The following MGST1 variants were observed in gnomAD, a reference collection of about 807,000 sequenced individuals.
MGST1 encodes the protein glutathione S-transferase 12.
MGST1 carries 5 observed loss-of-function variants against 8.9 expected under a neutral mutation model. That is an observed-to-expected ratio of 0.56 (90% CI 0.29 to 1.19). The LOEUF (loss-of-function observed/expected upper bound fraction) is 1.19, where lower values mean the gene tolerates loss of function less well. Ranked by LOEUF, MGST1 falls within the 50% of genes most tolerant of loss-of-function variation. The pLI is 0.08. For synonymous variants in MGST1, 54 were observed against 67.8 expected (o/e 0.80, Z 1.00); for missense variants, 182 against 187.4 (o/e 0.97, Z 0.17).
At chr12:16,562,443 C>G (rs1042147723) in intron 4 of MGST1, among the ~76,000 whole-genome samples, 31 of 152,200 alleles carry the variant, frequency 2.0e-4, no homozygotes, top group African/African-American at 7.5e-4. Context: ...AACATACACA[C>G]AATGCCATTT....
exon 2 of MGST1, chr12:16,437,565 GAAA>G (rs1222586032): frequency 6.6e-6 from 1 of 152,112 alleles, no homozygotes; most frequent in Admixed American, 6.6e-5. Context: ...TCAGCCCGAG[GAAA>G]ACAGCTTCCT....
intron 4 of MGST1, among the ~76,000 whole-genome samples, chr12:16,553,270 G>T (rs1942060601): frequency 6.6e-6 from 1 of 152,104 alleles, no homozygotes; most frequent in South Asian, 2.1e-4. Flanking sequence ...AGTAAAGGAA[G>T]AAAAATAACC....
chr12:16,493,945 G>A (rs1941454976), intron 4 of MGST1, among the ~76,000 whole-genome samples: 1 of 152,032 alleles, frequency 6.6e-6, no homozygotes, highest in East Asian at 1.9e-4. Context: ...TGTCTCAAGG[G>A]GGAGATTTAG....
intron 1 of MGST1, chr12:16,399,490 C>T (rs1940634373): frequency 6.4e-7 from 1 of 1,562,326 alleles, no homozygotes; most frequent in Non-Finnish European, 8.8e-7. Flanking sequence ...TCTTCACTAC[C>T]CAACGACTCC....
chr12:16,440,627 AATTT>A (rs59763246), downstream of MGST1, among the ~76,000 whole-genome samples: 1,407 of 151,916 alleles, frequency 9.3e-3, 79 homozygotes, highest in East Asian at 0.17. Flanking sequence ...ACTATGCCAT[AATTT>A]ATTTATCCAT....
chr12:16,590,662 T>C (rs549344536), downstream of MGST1, among the ~76,000 whole-genome samples: 4 of 152,038 alleles, frequency 2.6e-5, no homozygotes, highest in Admixed American at 2.6e-4. Flanking sequence ...TTGGTCAAGA[T>C]CTTACTCTCA....
intron 1 of MGST1, among the ~76,000 whole-genome samples, chr12:16,432,723 C>CAGAG: frequency 8.1e-6 from 1 of 124,186 alleles, no homozygotes; most frequent in East Asian, 2.4e-4. Context: ...CACACACACA[C>CAGAG]ACACACACAG....
At chr12:16,525,266 G>A (rs1195736763) in intron 4 of MGST1, among the ~76,000 whole-genome samples, 4 of 148,114 alleles carry the variant, frequency 2.7e-5, no homozygotes, top group South Asian at 2.2e-4. Flanking sequence ...TCTAGCATTA[G>A]GTATATCTCC....
At chr12:16,577,595 A>G (rs1943034190) in intron 4 of MGST1, among the ~76,000 whole-genome samples, 1 of 152,202 alleles carries the variant, frequency 6.6e-6, no homozygotes, top group Non-Finnish European at 1.5e-5. Context: ...CTGTTCACAA[A>G]ACGTTTGTGG....
At chr12:16,499,834 C>A (rs1487683647) in intron 4 of MGST1, among the ~76,000 whole-genome samples, 1 of 152,248 alleles carries the variant, frequency 6.6e-6, no homozygotes, top group Non-Finnish European at 1.5e-5. Context: ...ACTACGAACA[C>A]GATAGCACTG....
chr12:16,433,231 A>G (rs1189169053), intron 1 of MGST1, among the ~76,000 whole-genome samples: 2 of 152,028 alleles, frequency 1.3e-5, no homozygotes, highest in South Asian at 2.1e-4. Context: ...CCTGCTTTCT[A>G]TTCTGGTTGT....
chr12:16,401,138 C>A lies in MGST1; in HGVS notation n.778+17534C>A, dbSNP rs1940652031. 4.5e-6 allele frequency: 7 copies of A among 1,567,774 alleles called. No individual in the cohort carries two copies. The South Asian group carries it at 5.5e-5, about 12-fold the overall frequency. ...TCATCTTCGTTCCTTAGGAAAATACCCACATTCTTCACTTTCTTCTTCACA... is the reference window on the plus strand; with the variant it reads ...TCATCTTCGTTCCTTAGGAAAATACACACATTCTTCACTTTCTTCTTCACA... On this transcript the variant is annotated intron_variant and non_coding_transcript_variant, in intron 1 of 1. Coordinates refer to the MGST1 transcript ENST00000359720. The surrounding 1 kb of genome is among the most constrained non-coding windows in gnomAD (Gnocchi z 4.3).
At position 16,352,854 on chromosome 12, in the gene MGST1, G is replaced by T. The variant is rs760115194; in HGVS notation, c.-22-1377G>T. Among the ~76,000 whole-genome samples the T allele has an allele frequency of 2.0e-5, 3 of 152,002 alleles. No individual in the cohort carries two copies. The South Asian group carries it at 6.2e-4, about 31-fold the overall frequency. The stretch of plus-strand genomic sequence containing the variant: ...TGCATTTGCAAGCCTGTTTTTTGAT[G>T]TTTCCATTATCCTGCTTCTCCTTCT... On this transcript the variant is annotated intron_variant, in intron 1 of 3. Coordinates refer to ENST00000396210, the MANE Select transcript of MGST1 (RefSeq NM_020300.5).
intron 4 of MGST1, among the ~76,000 whole-genome samples, chr12:16,470,369 T>C (rs34392): frequency 0.022 from 3,316 of 152,298 alleles, 118 homozygotes; most frequent in African/African-American, 0.075. Context: ...TCCAATTAGG[T>C]TGAGTTTGCT....
chr12:16,491,155 A>T (rs1344478757), intron 4 of MGST1, among the ~76,000 whole-genome samples: 1 of 152,228 alleles, frequency 6.6e-6, no homozygotes, highest in Non-Finnish European at 1.5e-5. Flanking sequence ...AGCAGAAAGA[A>T]AAATCATCTA....
intron 4 of MGST1, among the ~76,000 whole-genome samples, chr12:16,554,662 C>T (rs1942120031): frequency 6.6e-6 from 1 of 152,188 alleles, no homozygotes; most frequent in Non-Finnish European, 1.5e-5. Flanking sequence ...TATCTATTCA[C>T]ATTTATATGC....
intron 4 of MGST1, among the ~76,000 whole-genome samples, chr12:16,536,089 G>A (rs889959638): frequency 2.0e-5 from 3 of 147,020 alleles, no homozygotes. Context: ...GTGAGTGTGT[G>A]TGTGTGTGTG....
intron 4 of MGST1, among the ~76,000 whole-genome samples, chr12:16,532,349 C>T (rs745808385): frequency 2.0e-5 from 3 of 152,038 alleles, no homozygotes; most frequent in Non-Finnish European, 4.4e-5. Context: ...CCCTCTGAGT[C>T]TCTGTCAAAG....
At chr12:16,538,349 T>C (rs1315746198) in intron 4 of MGST1, among the ~76,000 whole-genome samples, 6 of 152,160 alleles carry the variant, frequency 3.9e-5, no homozygotes, top group Non-Finnish European at 8.8e-5. Flanking sequence ...GGCTCTAAAC[T>C]TTCCCACATT....
Sources: allele counts gnomAD v4.1 joint callset (sites outside exome capture counted in the v4.1 genomes callset), GRCh38; gene constraint gnomAD v4.1.1; non-coding constraint Gnocchi (gnomAD v3.1); transcripts MANE v1.5; gene names NCBI Gene and HGNC (gene_info 2026-07-23, HGNC 2026-07-21).